EXOC5: variants seen among roughly 807,000 people sequenced by gnomAD.
EXOC5 encodes the protein exocyst complex component 5.
A neutral mutation model predicts 90.8 loss-of-function variants in EXOC5; 17 were observed. That is an observed-to-expected ratio of 0.19 (90% CI 0.13 to 0.28). The LOEUF is 0.28. EXOC5 is among the 10% of genes least tolerant of loss of function. The probability of loss-of-function intolerance (pLI) is 1.00; values close to 1 mark genes in which losing one functional copy is unlikely to be tolerated. For synonymous variants in EXOC5, 260 were observed against 270.0 expected, an observed-to-expected ratio of 0.96 and a Z score of 0.36; for missense variants, 569 against 830.6, an observed-to-expected ratio of 0.69 and a Z score of 3.87.
Position 57,206,357 on chromosome 14 carries a change from G to A in EXOC5, c.*2252C>T, listed in dbSNP as rs970505381. The stretch of plus-strand genomic sequence containing the variant: ...AACACTTAAAAAATCAGAATACAAA[G>A]AATGCATATTGCCTCACATGACACA... On this transcript the variant is annotated 3_prime_UTR_variant, in exon 18 of 18. Coordinates refer to ENST00000621441, the MANE Select transcript of EXOC5 (RefSeq NM_006544.4). 2.5e-5 allele frequency: 4 copies of A among 161,804 alleles called. No individual in the cohort carries two copies. The highest frequency in any genetic ancestry group is 9.9e-5 in the African/African-American group (4 of 40,376). The allele number at this position is 161,804 out of a possible 1,614,324, so 10.0% of individuals were successfully genotyped here.
intron 3 of EXOC5, among the ~76,000 whole-genome samples, chr14:57,245,803 A>G (rs1176018273): frequency 6.6e-6 from 1 of 152,196 alleles, no homozygotes; most frequent in Non-Finnish European, 1.5e-5. Flanking sequence ...CTGTAATCCT[A>G]GCACTTTGGG....
chr14:57,267,602 G>A (rs893865120), intron 1 of EXOC5, among the ~76,000 whole-genome samples: 5 of 152,106 alleles, frequency 3.3e-5, no homozygotes. Flanking sequence ...CACAAAAAAG[G>A]GGTCTTTCTT....
chr14:57,245,321 T>C (rs888547650), intron 3 of EXOC5, among the ~76,000 whole-genome samples: 1 of 152,130 alleles, frequency 6.6e-6, no homozygotes, highest in Non-Finnish European at 1.5e-5. Flanking sequence ...ATTAAGGACT[T>C]TCTCTGTGCT....
rs113037758 is a variant in EXOC5 at position 57,266,788 on chromosome 14, G to A, written c.27+1834C>T. On this transcript the variant is annotated intron_variant, in intron 1 of 17. Coordinates refer to ENST00000621441, the MANE Select transcript of EXOC5 (RefSeq NM_006544.4). Reference sequence around the variant, plus strand: ...TATATACTACTTAACCTAATAGCAGGACCCCAGAAAGCAAAATATATATTT... The same window carrying A: ...TATATACTACTTAACCTAATAGCAGAACCCCAGAAAGCAAAATATATATTT... 2.0e-3 allele frequency among the ~76,000 whole-genome samples: 299 copies of A among 149,624 alleles called. 1 individual carries two copies. Among genetic ancestry groups the A allele is most frequent in the African/African-American group, 6.7e-3 (272 of 40,804 alleles).
chr14:57,250,752 GA>G (rs1469149647), intron 1 of EXOC5, among the ~76,000 whole-genome samples: 1 of 152,188 alleles, frequency 6.6e-6, no homozygotes, highest in Non-Finnish European at 1.5e-5. Context: ...TTATAATGAG[GA>G]AGCCCAGGTA....
chr14:57,251,299 T>G (rs1404062687), intron 1 of EXOC5, among the ~76,000 whole-genome samples: 1 of 152,156 alleles, frequency 6.6e-6, no homozygotes, highest in Admixed American at 6.5e-5. Context: ...CCTCCAAATA[T>G]CTGAGATCCC....
intron 4 of EXOC5, 35 bp from the exon 5 acceptor site, chr14:57,239,694 A>G (rs1427291908): frequency 7.7e-7 from 1 of 1,300,466 alleles, no homozygotes; most frequent in South Asian, 1.4e-5. Flanking sequence ...TAATTTAAAA[A>G]ACTTTTAGGC....
At chr14:57,210,816 AG>A (rs1410273837) in intron 15 of EXOC5, among the ~76,000 whole-genome samples, 3 of 152,246 alleles carry the variant, frequency 2.0e-5, no homozygotes, top group Non-Finnish European at 4.4e-5. Flanking sequence ...GTAACCAAAC[AG>A]CACAGTAACA....
chr14:57,248,435 T>C (rs1284721244), intron 1 of EXOC5, among the ~76,000 whole-genome samples: 2 of 151,924 alleles, frequency 1.3e-5, no homozygotes, highest in Admixed American at 6.6e-5. Context: ...AAAATCATGA[T>C]AATGTAAAAA....
intron 15 of EXOC5, among the ~76,000 whole-genome samples, chr14:57,211,039 T>G (rs917379451): frequency 1.3e-5 from 2 of 152,226 alleles, no homozygotes; most frequent in Admixed American, 6.5e-5. Context: ...AAGTTTCCTC[T>G]GGAATTATCT....
At chr14:57,260,559 A>T (rs1884471989) in intron 1 of EXOC5, among the ~76,000 whole-genome samples, 1 of 152,174 alleles carries the variant, frequency 6.6e-6, no homozygotes. Context: ...GATAGAATAT[A>T]TCTCATTTCG....
At position 57,235,833 on chromosome 14, in the gene EXOC5, T is replaced by TCA; in HGVS notation, c.560-15_560-14dup. Reference sequence around the variant, plus strand: ...TCATGGTATTTACCTAAAAATAAAGTCATTCAGCTACACTGAGGCATACAA... The same window carrying TCA: ...TCATGGTATTTACCTAAAAATAAAGTCACATTCAGCTACACTGAGGCATACAA... On this transcript the variant is annotated splice_polypyrimidine_tract_variant and intron_variant, in intron 6 of 17. Transcript: ENST00000621441. The TCA allele has an allele frequency of 7.3e-7, 1 of 1,377,920 alleles. No homozygotes were observed. 85.4% of individuals were successfully genotyped at this position (1,377,920 alleles called of 1,614,324 possible). A position where few individuals can be genotyped will look rare whatever the true frequency, so the allele number is the denominator to read the frequency against.
chr14:57,239,533 A>G, intron 5 of EXOC5, 62 bp downstream of exon 5: 1 of 931,772 alleles, frequency 1.1e-6, no homozygotes, highest in African/African-American at 1.7e-5. Flanking sequence ...ACAGGAAAAG[A>G]TACTATTTTA....
chr14:57,206,573 G>A lies in EXOC5; in HGVS notation c.*2036C>T, dbSNP rs888734875. 2.6e-5 allele frequency: 4 copies of A among 151,940 alleles called. No individual in the cohort carries two copies. Among genetic ancestry groups the A allele is most frequent in the Admixed American group, 2.6e-4 (4 of 15,204 alleles). The allele number at this position is 151,940 out of a possible 1,614,324, so 9.4% of individuals were successfully genotyped here. ...TGGATGGCTCTAAAATATAAAAAGAGTGAAATAAAAAAAACAACTGCAGGG... is the reference window on the plus strand; with the variant it reads ...TGGATGGCTCTAAAATATAAAAAGAATGAAATAAAAAAAACAACTGCAGGG... On this transcript the variant is annotated 3_prime_UTR_variant, in exon 18 of 18. Coordinates refer to ENST00000621441, the MANE Select transcript of EXOC5 (RefSeq NM_006544.4).
rs1882488647 is a variant in EXOC5 at position 57,201,208 on chromosome 14, G to GC, written c.*7400dup. On this transcript the variant is annotated 3_prime_UTR_variant, in exon 18 of 18. Coordinates refer to ENST00000621441, the MANE Select transcript of EXOC5 (RefSeq NM_006544.4). ...TGGCTGATTCCAGAGCTGGGGCAAG[G>GC]CAAGTACAAGATGACCTTGGAAAAT... 6.6e-6 allele frequency: 1 copy of GC among 152,032 alleles called. No homozygotes were observed. The highest frequency in any genetic ancestry group is 1.5e-5 in the Non-Finnish European group (1 of 68,010). The allele number at this position is 152,032 out of a possible 1,614,324, so 9.4% of individuals were successfully genotyped here. A position where few individuals can be genotyped will look rare whatever the true frequency, so the allele number is the denominator to read the frequency against.
intron 12 of EXOC5, among the ~76,000 whole-genome samples, chr14:57,222,916 A>G (rs1404815853): frequency 6.6e-6 from 1 of 151,972 alleles, no homozygotes; most frequent in African/African-American, 2.4e-5. Flanking sequence ...ACTCAGAACA[A>G]AAAGAATTCT....
At chr14:57,262,767 A>ATATATATACGTATATATATATGTGT (rs1884555233) in intron 1 of EXOC5, among the ~76,000 whole-genome samples, 1 of 150,264 alleles carries the variant, frequency 6.7e-6, no homozygotes. Flanking sequence ...ATACTTAATG[A>ATATATATACGTATATATATATGTGT]ATATATTATT....
chr14:57,237,817 T>A (rs1883708375), intron 5 of EXOC5: 1 of 152,802 alleles, frequency 6.5e-6, no homozygotes. Flanking sequence ...TAAAGTTCCA[T>A]CATTATTATT....
At position 57,248,725 on chromosome 14, in the gene EXOC5, T is replaced by G. The variant is rs577363152; in HGVS notation, c.28-1013A>C. On this transcript the variant is annotated intron_variant, in intron 1 of 17. Transcript: ENST00000621441. ...ACTTAAACTAGTTGGTGATTACAAT[T>G]TGAACTTTTATATCTGCAAAGTTTT... is the stretch of plus-strand genomic sequence containing the variant. 5.3e-5 allele frequency among the ~76,000 whole-genome samples: 8 copies of G among 152,260 alleles called. No individual in the cohort carries two copies. In the South Asian group the frequency reaches 1.7e-3, roughly 31 times the overall value.
Sources: allele counts gnomAD v4.1 joint callset (sites outside exome capture counted in the v4.1 genomes callset), GRCh38; gene constraint gnomAD v4.1.1; transcripts MANE v1.5; gene names NCBI Gene and HGNC (gene_info 2026-07-23, HGNC 2026-07-21).